The following PDE8A variants were observed in gnomAD, a reference collection of about 807,000 sequenced individuals.
PDE8A encodes high affinity cAMP-specific and IBMX-insensitive 3',5'-cyclic phosphodiesterase 8A.
A neutral mutation model predicts 105.0 loss-of-function variants in PDE8A; 59 were observed. That is an observed-to-expected ratio of 0.56 (90% confidence interval 0.46 to 0.70). The LOEUF is 0.70. PDE8A is among the 30% of genes least tolerant of loss of function. The pLI is 0.00. For synonymous variants in PDE8A, 355 were observed against 371.9 expected, an observed-to-expected ratio of 0.95 and a Z score of 0.52; for missense variants, 1,014 against 1,045.9, an observed-to-expected ratio of 0.97 and a Z score of 0.42.
chr15:85,017,587 C>T (rs879570043), intron 1 of PDE8A, among the ~76,000 whole-genome samples: 6 of 151,994 alleles, frequency 3.9e-5, no homozygotes, highest in Non-Finnish European at 8.8e-5. Context: ...GACTTTTACA[C>T]TTTTATTAAA....
intron 8 of PDE8A, among the ~76,000 whole-genome samples, chr15:85,094,026 AT>A (rs2081697310): frequency 6.6e-6 from 1 of 151,974 alleles, no homozygotes; most frequent in Admixed American, 6.6e-5. Flanking sequence ...CACCTGGCTA[AT>A]TTTTTAAGCA....
intron 1 of PDE8A, among the ~76,000 whole-genome samples, chr15:85,018,466 T>C (rs1199304181): frequency 6.6e-6 from 1 of 152,208 alleles, no homozygotes; most frequent in East Asian, 1.9e-4. Context: ...AACGTCAATC[T>C]CTAGTATCCA....
chr15:85,058,227 C>G (rs1323699661), intron 1 of PDE8A, among the ~76,000 whole-genome samples: 1 of 152,120 alleles, frequency 6.6e-6, no homozygotes, highest in Admixed American at 6.5e-5. Flanking sequence ...ATTATAGGTG[C>G]ATACCACCAT....
At chr15:85,038,145 A>G (rs1414174587) in intron 1 of PDE8A, among the ~76,000 whole-genome samples, 1 of 152,178 alleles carries the variant, frequency 6.6e-6, no homozygotes, top group East Asian at 1.9e-4. Flanking sequence ...CAGAAAAAGA[A>G]GATTGAGTTA....
At chr15:85,006,223 C>T (rs531939081) in intron 1 of PDE8A, among the ~76,000 whole-genome samples, 10 of 151,840 alleles carry the variant, frequency 6.6e-5, no homozygotes, top group South Asian at 6.3e-4. Context: ...TGTAACTAAC[C>T]GGCACATTGT....
At chr15:85,134,553 C>T (rs2082377093) in intron 20 of PDE8A, among the ~76,000 whole-genome samples, 1 of 142,636 alleles carries the variant, frequency 7.0e-6, no homozygotes, top group Non-Finnish European at 1.5e-5. Flanking sequence ...ACTCCTCTTA[C>T]CAAAGCACGT....
At chr15:85,102,877 A>G (rs1403868289) in intron 11 of PDE8A, among the ~76,000 whole-genome samples, 1 of 150,882 alleles carries the variant, frequency 6.6e-6, no homozygotes, top group Non-Finnish European at 1.5e-5. Context: ...TAAAGTAGGT[A>G]TGACTATTAT....
chr15:84,980,627 A>C (rs2079691158), upstream of PDE8A: 1 of 152,372 alleles, frequency 6.6e-6, no homozygotes, highest in South Asian at 2.1e-4. Context: ...AGGATACGTG[A>C]TGGACGCCCA....
intron 6 of PDE8A, among the ~76,000 whole-genome samples, chr15:85,084,974 C>T (rs959939003): frequency 4.6e-5 from 7 of 152,198 alleles, no homozygotes; most frequent in Non-Finnish European, 8.8e-5. Flanking sequence ...GTCTAGGTCC[C>T]TCTCTTTTTA....
intron 11 of PDE8A, among the ~76,000 whole-genome samples, chr15:85,102,799 A>G (rs914147147): frequency 2.0e-5 from 3 of 149,240 alleles, no homozygotes; most frequent in African/African-American, 4.9e-5. Context: ...AGATCGCGCC[A>G]TTGTACTCCA....
intron 3 of PDE8A, among the ~76,000 whole-genome samples, chr15:85,071,094 G>A (rs2081303416): frequency 6.6e-6 from 1 of 152,234 alleles, no homozygotes; most frequent in Non-Finnish European, 1.5e-5. Context: ...TGAGAGAACA[G>A]AAAAGGATAG....
At chr15:85,018,908 A>C (rs899328464) in intron 1 of PDE8A, among the ~76,000 whole-genome samples, 1 of 152,202 alleles carries the variant, frequency 6.6e-6, no homozygotes, top group African/African-American at 2.4e-5. Context: ...TACCATTTAC[A>C]TTAAGGTTAT....
chr15:85,055,492 T>C (rs2081045834), intron 1 of PDE8A, among the ~76,000 whole-genome samples: 3 of 152,242 alleles, frequency 2.0e-5, no homozygotes, highest in Non-Finnish European at 4.4e-5. Flanking sequence ...ATCTGGGTGC[T>C]CCTGTATTGG....
chr15:85,127,451 A>G (rs1032466418), intron 20 of PDE8A, among the ~76,000 whole-genome samples: 2 of 152,214 alleles, frequency 1.3e-5, no homozygotes, highest in Non-Finnish European at 2.9e-5. Flanking sequence ...ATTAGCACTA[A>G]TAAGTGGATT....
chr15:85,097,901 T>G, intron 8 of PDE8A, 47 bp from the exon 9 acceptor site: 1 of 1,064,150 alleles, frequency 9.4e-7, no homozygotes, highest in Non-Finnish European at 1.5e-6. Context: ...GTTCTTGGGT[T>G]TATGTTTTCA....
chr15:85,033,726 G>C (rs541952429), intron 1 of PDE8A, among the ~76,000 whole-genome samples: 9 of 152,134 alleles, frequency 5.9e-5, no homozygotes, highest in Admixed American at 5.2e-4. Flanking sequence ...TTAGCTGGGC[G>C]TGGTGGCGGG....
intron 11 of PDE8A, among the ~76,000 whole-genome samples, chr15:85,104,913 C>T (rs919570323): frequency 6.6e-6 from 1 of 152,110 alleles, no homozygotes; most frequent in Non-Finnish European, 1.5e-5. Flanking sequence ...ATTCATCATT[C>T]ATCCAAACTC....
At chr15:85,113,147 G>A (rs569127540) in intron 12 of PDE8A, among the ~76,000 whole-genome samples, 2 of 152,318 alleles carry the variant, frequency 1.3e-5, no homozygotes, top group South Asian at 2.1e-4. Flanking sequence ...TCTGGCCTGT[G>A]ACATCAGAAG....
At chr15:85,076,851 C>G in intron 5 of PDE8A, 64 bp downstream of exon 5, 1 of 1,028,754 alleles carries the variant, frequency 9.7e-7, no homozygotes, top group Non-Finnish European at 1.5e-6. Context: ...TATCTCAGTT[C>G]AGTACCCAGC....
Sources: gnomAD v4.1 joint callset for allele counts (sites outside exome capture counted in the v4.1 genomes callset) on GRCh38, gnomAD v4.1.1 for gene constraint, MANE v1.5 for transcripts, NCBI Gene and HGNC (gene_info 2026-07-23, HGNC 2026-07-21) for gene names.